Variants in CLEC1A observed in about 807,000 individuals in gnomAD.
CLEC1A encodes the protein C-type lectin domain family 1 member A, also known as C-type lectin-like receptor-1.
A neutral mutation model predicts 28.7 loss-of-function variants in CLEC1A; 34 were observed. The ratio of observed to expected loss-of-function variants is 1.18; its 90% CI spans 0.90 to 1.57. The LOEUF is 1.57. Among genes scored for constraint, CLEC1A ranks in the 40% most tolerant of loss-of-function variants. The pLI, the probability that CLEC1A is intolerant of heterozygous loss-of-function variation, is 0.00. For missense variants in CLEC1A, 385 were observed against 339.5 expected, an observed-to-expected ratio of 1.13 and a Z score of -1.05; for synonymous variants, 116 against 121.0, an observed-to-expected ratio of 0.96 and a Z score of 0.27.
At chr12:10,085,809 T>C (rs1866481119) in intron 2 of CLEC1A, among the ~76,000 whole-genome samples, 2 of 152,144 alleles carry the variant, frequency 1.3e-5, no homozygotes, top group South Asian at 4.1e-4. Context: ...AACAGTGGAC[T>C]TAAAACTATA....
At chr12:10,073,798 A>G (rs1385359745) in intron 4 of CLEC1A, among the ~76,000 whole-genome samples, 3 of 152,224 alleles carry the variant, frequency 2.0e-5, no homozygotes, top group African/African-American at 7.2e-5. Context: ...AAGTGCAGGA[A>G]TGAGGTAGTA....
At chr12:10,079,557 C>T (rs1050448017) in intron 3 of CLEC1A, among the ~76,000 whole-genome samples, 2 of 152,088 alleles carry the variant, frequency 1.3e-5, no homozygotes, top group African/African-American at 4.8e-5. Flanking sequence ...TGCAATGGCT[C>T]ATGCCTGTAA....
At chr12:10,098,241 C>T (rs1947804169) in intron 1 of CLEC1A, among the ~76,000 whole-genome samples, 1 of 152,028 alleles carries the variant, frequency 6.6e-6, no homozygotes, top group South Asian at 2.1e-4. Context: ...CAGTCTATAT[C>T]AGATCAGACA....
chr12:10,090,002 C>G (rs1165112183), intron 1 of CLEC1A, among the ~76,000 whole-genome samples: 2 of 152,140 alleles, frequency 1.3e-5, no homozygotes, highest in Admixed American at 1.3e-4. Context: ...GAGTAGACCC[C>G]TCACCTAGTG....
intron 1 of CLEC1A, among the ~76,000 whole-genome samples, chr12:10,096,136 C>A (rs1293882715): frequency 6.6e-6 from 1 of 152,168 alleles, no homozygotes; most frequent in Non-Finnish European, 1.5e-5. Flanking sequence ...GCCCAACCCA[C>A]ATCCTGCATA....
intron 2 of CLEC1A, among the ~76,000 whole-genome samples, chr12:10,082,004 T>A (rs12300167): frequency 0.78 from 119,107 of 151,994 alleles, 48,013 homozygotes; most frequent in Middle Eastern, 0.88. Context: ...GCACTCCCAT[T>A]CTCCAGCTCA....
At chr12:10,078,613 G>A (rs145501279) in intron 3 of CLEC1A, among the ~76,000 whole-genome samples, 5 of 152,256 alleles carry the variant, frequency 3.3e-5, no homozygotes, top group African/African-American at 4.8e-5. Flanking sequence ...TAGGTTGGCC[G>A]ATCATTACTG....
rs781209415 is a variant in CLEC1A at position 10,073,284 on chromosome 12, A to C, written c.662+9T>G. The stretch of plus-strand genomic sequence containing the variant: ...AATGCCTTTCCCATAAAATATCCTG[A>C]AGGCTTACAGTTCAGAAGTGAAAGG... On this transcript the variant is annotated intron_variant, in intron 5 of 5. Coordinates refer to ENST00000315330, the MANE Select transcript of CLEC1A (RefSeq NM_016511.4). 2.5e-6 allele frequency: 4 copies of C among 1,587,176 alleles called. No homozygotes were observed. Among genetic ancestry groups the C allele is most frequent in the Non-Finnish European group, 3.5e-6 (4 of 1,157,080 alleles).
intron 2 of CLEC1A, among the ~76,000 whole-genome samples, chr12:10,084,832 A>AAAAAT (rs1866450777): frequency 6.7e-6 from 1 of 149,602 alleles, no homozygotes; most frequent in Non-Finnish European, 1.5e-5. Context: ...AAAAAAAAAA[A>AAAAAT]AAAAAAAAAA....
At chr12:10,076,065 A>G (rs925763429) in intron 3 of CLEC1A, among the ~76,000 whole-genome samples, 1 of 152,244 alleles carries the variant, frequency 6.6e-6, no homozygotes, top group Non-Finnish European at 1.5e-5. Flanking sequence ...TAGTAAAATA[A>G]GTTTTAAAAA....
At chr12:10,087,472 TTATATATATATA>T (rs200437169) in intron 2 of CLEC1A, among the ~76,000 whole-genome samples, 14,238 of 75,008 alleles carry the variant, frequency 0.19, 1,668 homozygotes, top group Non-Finnish European at 0.23. Context: ...TACCTCAAAG[TTATATATATATA>T]TATATATATA....
At chr12:10,071,548 G>A (rs1261213281) in intron 5 of CLEC1A, 35 bp from the exon 6 acceptor site, 2 of 1,473,708 alleles carry the variant, frequency 1.4e-6, no homozygotes, top group Non-Finnish European at 1.8e-6. Context: ...TTCAATCACG[G>A]TTTATTTCTA....
In CLEC1A at chr12:10,075,941, A is replaced by G. The variant is rs549140766; in HGVS notation, c.392-286T>C. Reference sequence around the variant, plus strand: ...TTGCCACTTGCCTATGAAATTCAGCACATGAAGAGAATATTCAATTTCACA... The same window carrying G: ...TTGCCACTTGCCTATGAAATTCAGCGCATGAAGAGAATATTCAATTTCACA... On this transcript the variant is annotated intron_variant, in intron 3 of 5. Coordinates refer to ENST00000315330, the MANE Select transcript of CLEC1A (RefSeq NM_016511.4). 4.1e-4 allele frequency among the ~76,000 whole-genome samples: 62 copies of G among 152,338 alleles called. No homozygotes were observed. The South Asian group carries it at 0.013, about 31-fold the overall frequency.
chr12:10,075,779 C>G, intron 3 of CLEC1A, 124 bp from the exon 4 acceptor site: 1 of 796,236 alleles, frequency 1.3e-6, no homozygotes. Context: ...AATTAATTAC[C>G]CAGGCAATGA....
intron 2 of CLEC1A, among the ~76,000 whole-genome samples, chr12:10,082,176 G>C (rs1317283713): frequency 6.6e-6 from 1 of 152,168 alleles, no homozygotes; most frequent in African/African-American, 2.4e-5. Flanking sequence ...GGGGCAAAGA[G>C]GAACTGCTAC....
chr12:10,092,775 T>C (rs144254977), intron 1 of CLEC1A, among the ~76,000 whole-genome samples: 7 of 152,230 alleles, frequency 4.6e-5, no homozygotes, highest in South Asian at 2.1e-4. Context: ...CTTCCTAAGA[T>C]TGCCTCTAGG....
At chr12:10,096,777 G>A (rs760672764) in intron 1 of CLEC1A, among the ~76,000 whole-genome samples, 20 of 151,900 alleles carry the variant, frequency 1.3e-4, no homozygotes, top group Non-Finnish European at 2.8e-4. Flanking sequence ...TGTCTATAGT[G>A]TCCCCAGCCT....
intron 3 of CLEC1A, among the ~76,000 whole-genome samples, chr12:10,080,992 T>A (rs1866355766): frequency 6.6e-6 from 1 of 152,214 alleles, no homozygotes; most frequent in African/African-American, 2.4e-5. Context: ...CTTATTTTGG[T>A]TATTCTTAGT....
At chr12:10,097,288 G>A (rs577130099) in intron 1 of CLEC1A, among the ~76,000 whole-genome samples, 30 of 152,234 alleles carry the variant, frequency 2.0e-4, no homozygotes, top group African/African-American at 6.3e-4. Flanking sequence ...GCTCTTAATG[G>A]TATCACATCA....
Sources: allele counts gnomAD v4.1 joint callset (sites outside exome capture counted in the v4.1 genomes callset), GRCh38; gene constraint gnomAD v4.1.1; transcripts MANE v1.5; gene names NCBI Gene and HGNC (gene_info 2026-07-23, HGNC 2026-07-21).